APBB1IP: variants seen among roughly 807,000 people sequenced by gnomAD.
APBB1IP encodes the protein amyloid beta precursor protein binding family B member 1 interacting protein.
Under a neutral mutation model 64.9 loss-of-function variants are expected in APBB1IP, and 27 were observed. That is an observed-to-expected ratio of 0.42 (90% CI 0.31 to 0.57). The LOEUF is 0.57. APBB1IP is among the 20% of genes least tolerant of loss of function. APBB1IP has a pLI of 0.20. For missense variants in APBB1IP, 812 were observed against 845.5 expected (o/e 0.96, Z 0.49); for synonymous variants, 392 against 331.0 (o/e 1.18, Z -2.00).
intron 2 of APBB1IP, among the ~76,000 whole-genome samples, chr10:26,484,394 C>T (rs557176049): frequency 6.6e-6 from 1 of 152,148 alleles, no homozygotes; most frequent in Non-Finnish European, 1.5e-5. Context: ...GCTCCGCCTC[C>T]CGGGTTCAAG....
At chr10:26,482,210 G>T (rs1331015661) in intron 2 of APBB1IP, among the ~76,000 whole-genome samples, 1 of 152,126 alleles carries the variant, frequency 6.6e-6, no homozygotes, top group Non-Finnish European at 1.5e-5. Context: ...GTGCAAAGTT[G>T]GTTAAGTTGG....
intron 2 of APBB1IP, among the ~76,000 whole-genome samples, chr10:26,472,502 G>A (rs1169726089): frequency 6.6e-6 from 1 of 152,160 alleles, no homozygotes; most frequent in Non-Finnish European, 1.5e-5. Context: ...AGGTATCTGT[G>A]CAGTTAAAGC....
chr10:26,534,640 A>G (rs1472513890), intron 9 of APBB1IP, among the ~76,000 whole-genome samples: 1 of 152,106 alleles, frequency 6.6e-6, no homozygotes, highest in Non-Finnish European at 1.5e-5. Context: ...CCTGCTTTTC[A>G]CAGCCCGGTG....
intron 2 of APBB1IP, among the ~76,000 whole-genome samples, chr10:26,441,779 A>G (rs1031588888): frequency 3.2e-4 from 48 of 152,178 alleles, no homozygotes; most frequent in Non-Finnish European, 3.5e-4. Flanking sequence ...TTGACCATGA[A>G]CTTGAATAAT....
chr10:26,529,696 G>A (rs976573270), intron 8 of APBB1IP, among the ~76,000 whole-genome samples: 7 of 151,980 alleles, frequency 4.6e-5, no homozygotes, highest in East Asian at 3.9e-4. Flanking sequence ...GCTGGAGTGC[G>A]GTGGGATGAT....
intron 2 of APBB1IP, among the ~76,000 whole-genome samples, chr10:26,491,757 AG>A (rs1835957206): frequency 7.8e-6 from 1 of 128,040 alleles, no homozygotes; most frequent in Non-Finnish European, 1.6e-5. Flanking sequence ...TTTTTGTGTA[AG>A]GTTTTTTTTT....
At chr10:26,496,268 C>T (rs1564360833) in intron 3 of APBB1IP, 36 bp from the exon 4 acceptor site, 1 of 1,484,302 alleles carries the variant, frequency 6.7e-7, no homozygotes, top group African/African-American at 1.4e-5. Flanking sequence ...ATGTTTGTAT[C>T]ATGAATAACT....
chr10:26,539,511 GA>G lies in APBB1IP; in HGVS notation c.1045-2063del, dbSNP rs548672760. Among the ~76,000 whole-genome samples, 55 of 150,968 alleles carry G rather than the reference GA, an allele frequency of 3.6e-4. No individual in the cohort carries two copies. The South Asian group carries it at 8.6e-3, about 24-fold the overall frequency. The stretch of plus-strand genomic sequence containing the variant: ...GGGAAGGAAGGAAGGAAGAAAGGGA[GA>G]AAAAAAAGAAAATATAGGTTAATGT... On this transcript the variant is annotated intron_variant, in intron 10 of 14. Coordinates refer to ENST00000376236, the MANE Select transcript of APBB1IP (RefSeq NM_019043.4).
chr10:26,536,387 G>T (rs577104957), intron 10 of APBB1IP, among the ~76,000 whole-genome samples, 170 bp downstream of exon 10: 1 of 151,974 alleles, frequency 6.6e-6, no homozygotes, highest in African/African-American at 2.4e-5. Context: ...GAGTTTTCCC[G>T]TAGCTCTCTT....
chr10:26,544,696 CAG>C (rs1296984030), intron 11 of APBB1IP, among the ~76,000 whole-genome samples: 1 of 152,162 alleles, frequency 6.6e-6, no homozygotes, highest in East Asian at 1.9e-4. Context: ...GATTTAGACA[CAG>C]TGAACAGGGG....
chr10:26,532,145 A>G (rs1391363015), intron 8 of APBB1IP, among the ~76,000 whole-genome samples: 1 of 152,160 alleles, frequency 6.6e-6, no homozygotes, highest in East Asian at 1.9e-4. Flanking sequence ...TTGTGCCTAG[A>G]TTCAGTAGGG....
At chr10:26,552,678 G>T (rs1439524327) in intron 11 of APBB1IP, among the ~76,000 whole-genome samples, 1 of 152,024 alleles carries the variant, frequency 6.6e-6, no homozygotes, top group East Asian at 1.9e-4. Flanking sequence ...GAACAGGATT[G>T]AATCGTCCCA....
chr10:26,447,374 C>CAAAAA (rs55948326), intron 2 of APBB1IP, among the ~76,000 whole-genome samples: 55 of 54,436 alleles, frequency 1.0e-3, no homozygotes, highest in Admixed American at 2.0e-3. Context: ...GACTCCGTCT[C>CAAAAA]AAAAAAAAAA....
rs140462562 is a variant in APBB1IP, at chr10:26,559,846, G to A, written c.1156-259G>A. Among the ~76,000 whole-genome samples the A allele has an allele frequency of 6.5e-3, 983 of 151,848 alleles. 13 individuals carry two copies. Among genetic ancestry groups the A allele is most frequent in the African/African-American group, 0.023 (936 of 41,404 alleles). On this transcript the variant is annotated intron_variant, in intron 11 of 14. Coordinates refer to ENST00000376236, the MANE Select transcript of APBB1IP (RefSeq NM_019043.4). ...TTCAGTAGAGATGGGGTTTCACCAC[G>A]TTGGCCAGGCTCATCTCGAACTCCT...
At chr10:26,485,042 A>G (rs1052401804) in intron 2 of APBB1IP, among the ~76,000 whole-genome samples, 1 of 152,212 alleles carries the variant, frequency 6.6e-6, no homozygotes, top group Non-Finnish European at 1.5e-5. Flanking sequence ...ATTTTTCTCA[A>G]GGCAACTAAA....
intron 2 of APBB1IP, among the ~76,000 whole-genome samples, chr10:26,440,678 G>A (rs1323915621): frequency 7.1e-6 from 1 of 140,972 alleles, no homozygotes; most frequent in Non-Finnish European, 1.5e-5. Flanking sequence ...ACAATACTAG[G>A]TTTTATAGTA....
At chr10:26,446,436 A>G (rs909237266) in intron 2 of APBB1IP, among the ~76,000 whole-genome samples, 2 of 152,216 alleles carry the variant, frequency 1.3e-5, no homozygotes, top group Non-Finnish European at 2.9e-5. Context: ...ACAGAAATGA[A>G]GCTGCTTGGG....
rs753032393 is a variant in APBB1IP, at chr10:26,560,769, G to A, written c.1294G>A (p.Ala432Thr). ...TLYDNYQRAV[A>T]KAGLASRWTN... is the part of the protein sequence containing the mutation. Reference sequence around the variant, plus strand: ...CTATGATAACTACCAGCGGGCTGTGGCAAAGGCTGGACTTGCCTCTCGGTG... The same window carrying A: ...CTATGATAACTACCAGCGGGCTGTGACAAAGGCTGGACTTGCCTCTCGGTG... The change falls in exon 13 of 15, where the codon GCA (alanine) becomes ACA (threonine). Residue 432 changes from alanine to threonine, a missense_variant. Transcript: ENST00000376236. 2 of 1,605,094 alleles carry A rather than the reference G, an allele frequency of 1.2e-6. No individual in the cohort carries two copies. Among genetic ancestry groups the A allele is most frequent in the South Asian group, 1.1e-5 (1 of 90,348 alleles).
chr10:26,560,182 C>G lies in APBB1IP; in HGVS notation c.1233C>G (p.Val411=), dbSNP rs150008003. The G allele has an allele frequency of 6.2e-7, 1 of 1,613,988 alleles. No individual in the cohort carries two copies. The highest frequency in any genetic ancestry group is 8.5e-7 in the Non-Finnish European group (1 of 1,179,988). ...ACACAAGAACCCTTAACCAGTGGGT[C>G]ATGGGAATACGGATAGCCAAGGTGA... The part of the protein sequence containing the change: ...CDDTRTLNQW[V]MGIRIAKYGK... The change falls in exon 12 of 15, where the codon GTC becomes GTG. Residue 411 remains valine, a synonymous_variant. Coordinates refer to ENST00000376236, the MANE Select transcript of APBB1IP (RefSeq NM_019043.4).
Sources: gnomAD v4.1 joint callset for allele counts (sites outside exome capture counted in the v4.1 genomes callset) on GRCh38, gnomAD v4.1.1 for gene constraint, MANE v1.5 for transcripts, NCBI Gene and HGNC (gene_info 2026-07-23, HGNC 2026-07-21) for gene names.